The following NRXN3 variants were observed in gnomAD, a reference collection of about 807,000 sequenced individuals.
NRXN3 encodes the protein neurexin 3, also known as neurexin III.
Under a neutral mutation model 137.6 loss-of-function variants are expected in NRXN3, and 32 were observed. The observed-to-expected ratio is 0.23, with a 90% CI of 0.18 to 0.31. The LOEUF is 0.31. Ranked by LOEUF, NRXN3 falls within the 10% of genes least tolerant of loss-of-function variation. NRXN3 has a pLI of 1.00. For synonymous variants in NRXN3, 798 were observed against 784.5 expected (o/e 1.02, Z -0.29); for missense variants, 1,574 against 2,062.5 (o/e 0.76, Z 4.59).
At chr14:78,957,430 A>G in intron 11 of NRXN3, 69 bp downstream of exon 11, 3 of 1,544,416 alleles carry the variant, frequency 1.9e-6, no homozygotes, top group South Asian at 1.2e-5. Flanking sequence ...GTGAGCAAAC[A>G]GTGTTTTGCA....
chr14:78,312,834 G>A (rs1003277178), intron 4 of NRXN3, among the ~76,000 whole-genome samples: 2 of 152,122 alleles, frequency 1.3e-5, no homozygotes, highest in Admixed American at 1.3e-4. Flanking sequence ...TGTAGAACTA[G>A]ATAGATAAAA....
chr14:78,365,620 A>G (rs1339236163), intron 4 of NRXN3, among the ~76,000 whole-genome samples: 3 of 152,240 alleles, frequency 2.0e-5, no homozygotes, highest in Non-Finnish European at 4.4e-5. Flanking sequence ...AGGTAAAGAA[A>G]AACTGTTTGG....
intron 16 of NRXN3, among the ~76,000 whole-genome samples, chr14:79,541,592 C>T (rs186378132): frequency 2.4e-4 from 36 of 152,250 alleles, no homozygotes; most frequent in Admixed American, 1.5e-3. Context: ...AGCTATAGGC[C>T]TGATGAGGTA....
At chr14:79,305,816 G>A (rs1024534232) in intron 15 of NRXN3, among the ~76,000 whole-genome samples, 15 of 152,026 alleles carry the variant, frequency 9.9e-5, no homozygotes, top group Middle Eastern at 3.2e-3. Flanking sequence ...CACCTGTCCA[G>A]TGAGGCAAAC....
chr14:79,819,906 G>T lies in NRXN3; in HGVS notation c.4093+14716G>T, dbSNP rs182542270. On this transcript the variant is annotated intron_variant, in intron 20 of 20. Transcript: ENST00000335750. ...ACCCAGCTTGTACACTACATATTTG[G>T]GTAGGAGCTTAACGTCTTGCCCTTC... Among the ~76,000 whole-genome samples the T allele has an allele frequency of 3.3e-5, 5 of 152,080 alleles. No individual in the cohort carries two copies. The East Asian group carries it at 5.8e-4, about 18-fold the overall frequency.
At chr14:78,380,463 A>G (rs1046635240) in intron 4 of NRXN3, among the ~76,000 whole-genome samples, 5 of 152,164 alleles carry the variant, frequency 3.3e-5, no homozygotes, top group African/African-American at 1.2e-4. Flanking sequence ...CATAAATCCA[A>G]TGACAAGTTT....
rs528802460 is a variant in NRXN3 at position 79,521,580 on chromosome 14, A to T, written c.3444+54178A>T. Among the ~76,000 whole-genome samples, 172 of 152,218 alleles carry T rather than the reference A, an allele frequency of 1.1e-3. 1 individual carries two copies. Among genetic ancestry groups the T allele is most frequent in the African/African-American group, 3.6e-3 (149 of 41,546 alleles). On this transcript the variant is annotated intron_variant, in intron 16 of 20. Transcript: ENST00000335750. ...TCATCTTTCTTAATATTTAATACAG[A>T]AAAAAACATGCATGTATTAAAATTA...
intron 4 of NRXN3, among the ~76,000 whole-genome samples, chr14:78,311,522 T>G (rs1390643242): frequency 5.3e-5 from 8 of 152,150 alleles, no homozygotes; most frequent in Non-Finnish European, 2.9e-5. Context: ...CTTAAAACAT[T>G]ATGAGATTTT....
chr14:79,798,138 G>A (rs1446460151), intron 19 of NRXN3, among the ~76,000 whole-genome samples: 1 of 151,764 alleles, frequency 6.6e-6, no homozygotes, highest in Admixed American at 6.6e-5. Context: ...TGTATGTGTG[G>A]GTATTAGCAC....
At chr14:79,213,150 T>A (rs2067951331) in intron 15 of NRXN3, among the ~76,000 whole-genome samples, 1 of 152,086 alleles carries the variant, frequency 6.6e-6, no homozygotes, top group Non-Finnish European at 1.5e-5. Flanking sequence ...CCCACCTCCA[T>A]TTTTCCCCTG....
At chr14:78,881,673 A>G (rs778603150) in intron 10 of NRXN3, among the ~76,000 whole-genome samples, 3 of 151,718 alleles carry the variant, frequency 2.0e-5, no homozygotes, top group Admixed American at 6.6e-5. Context: ...TCAATTTTAT[A>G]TATTCACAAA....
chr14:78,560,464 C>G (rs2096776254), intron 4 of NRXN3, among the ~76,000 whole-genome samples: 1 of 152,170 alleles, frequency 6.6e-6, no homozygotes, highest in Non-Finnish European at 1.5e-5. Flanking sequence ...ATTTAACAAA[C>G]AGCAACACTT....
At chr14:78,227,057 A>G (rs1250771900) in intron 1 of NRXN3, among the ~76,000 whole-genome samples, 1 of 152,232 alleles carries the variant, frequency 6.6e-6, no homozygotes, top group Non-Finnish European at 1.5e-5. Context: ...TTGGTTGAGA[A>G]GGATTCTGAA....
At chr14:79,846,353 C>T (rs978676945) in intron 20 of NRXN3, among the ~76,000 whole-genome samples, 1 of 152,162 alleles carries the variant, frequency 6.6e-6, no homozygotes. Flanking sequence ...CATGTGCTAT[C>T]TGTTCCCAAA....
intron 15 of NRXN3, among the ~76,000 whole-genome samples, chr14:79,296,447 G>GAAAA (rs113327994): frequency 1.0e-4 from 14 of 139,504 alleles, no homozygotes; most frequent in African/African-American, 3.6e-4. Flanking sequence ...ATATACTTGG[G>GAAAA]AAAAAAAAAA....
At chr14:78,252,103 A>G (rs1045583909) in intron 2 of NRXN3, among the ~76,000 whole-genome samples, 29 of 152,068 alleles carry the variant, frequency 1.9e-4, no homozygotes, top group African/African-American at 6.8e-4. Context: ...TCCGCTCTCA[A>G]ACCTTGACTG....
rs114733134 is a variant in NRXN3 at position 79,576,942 on chromosome 14, G to C, written c.3445-86836G>C. Among the ~76,000 whole-genome samples, 782 of 152,148 alleles carry C rather than the reference G, an allele frequency of 5.1e-3. 6 individuals carry two copies. The highest frequency in any genetic ancestry group is 0.018 in the African/African-American group (756 of 41,520). The stretch of plus-strand genomic sequence containing the variant: ...ATAAAAGTCAGTGCTCTTTTATATG[G>C]TTTGGCTGTATCCCCACCCAAATCT... On this transcript the variant is annotated intron_variant, in intron 16 of 20. Coordinates refer to ENST00000335750, the MANE Select transcript of NRXN3 (RefSeq NM_001330195.2).
intron 15 of NRXN3, among the ~76,000 whole-genome samples, chr14:79,089,765 TTTC>T (rs1359755107): frequency 3.3e-5 from 5 of 152,138 alleles, no homozygotes; most frequent in Non-Finnish European, 7.4e-5. Context: ...AGCCAAGATC[TTTC>T]TTCTTCTGCA....
chr14:78,285,074 A>C (rs1340257479), intron 3 of NRXN3, among the ~76,000 whole-genome samples: 1 of 152,168 alleles, frequency 6.6e-6, no homozygotes, highest in Non-Finnish European at 1.5e-5. Context: ...CTCTCTGGGC[A>C]ATAGGCTTCT....
Sources: allele counts gnomAD v4.1 joint callset (sites outside exome capture counted in the v4.1 genomes callset), GRCh38; gene constraint gnomAD v4.1.1; transcripts MANE v1.5; gene names NCBI Gene and HGNC (gene_info 2026-07-23, HGNC 2026-07-21).